RAB31: variants seen among roughly 807,000 people sequenced by gnomAD.
The protein encoded by RAB31 is RAB31, member RAS oncogene family.
In RAB31, 21 loss-of-function variants were observed where a neutral mutation model predicts 25.6. The observed-to-expected ratio is 0.82, with a 90% CI of 0.58 to 1.18. RAB31 has a LOEUF of 1.18. Among genes scored for constraint, RAB31 ranks in the 50% most tolerant of loss-of-function variants. The pLI is 0.00. For missense variants in RAB31, 196 were observed against 250.1 expected (o/e 0.78, Z 1.46); for synonymous variants, 87 against 84.0 (o/e 1.04, Z -0.20).
intron 1 of RAB31, among the ~76,000 whole-genome samples, chr18:9,765,850 G>C (rs765121878): frequency 2.1e-4 from 31 of 151,026 alleles, no homozygotes; most frequent in Non-Finnish European, 1.8e-4. Context: ...CCAACTGATA[G>C]AATACTTCAC....
intron 1 of RAB31, among the ~76,000 whole-genome samples, chr18:9,715,751 C>T (rs1433007135): frequency 6.6e-6 from 1 of 152,100 alleles, no homozygotes; most frequent in African/African-American, 2.4e-5. Context: ...CGGCTGGTCT[C>T]GAACTCCTGG....
chr18:9,719,316 TATATATATATATAAATAA>T lies in RAB31; in HGVS notation c.39+10876_39+10893del, dbSNP rs796160077. ...AAAAAAAAATATATATATATATATA[TATATATATATATAAATAA>T]ATAAATTTGATCTAATTATGAGGGA... On this transcript the variant is annotated intron_variant, in intron 1 of 6. Coordinates refer to ENST00000578921, the MANE Select transcript of RAB31 (RefSeq NM_006868.4). Among the ~76,000 whole-genome samples, 92 of 71,808 alleles carry T rather than the reference TATATATATATATAAATAA, an allele frequency of 1.3e-3. 5 individuals carry two copies. The highest frequency in any genetic ancestry group is 0.012 in the South Asian group (24 of 2,048). The allele number at this position is 71,808 out of a possible 152,430, so 47.1% of individuals were successfully genotyped here.
At chr18:9,742,118 C>G (rs2068182661) in intron 1 of RAB31, among the ~76,000 whole-genome samples, 2 of 152,126 alleles carry the variant, frequency 1.3e-5, no homozygotes, top group Admixed American at 6.5e-5. Flanking sequence ...TGGCAGGGCT[C>G]GAAGTGGGAA....
intron 1 of RAB31, among the ~76,000 whole-genome samples, chr18:9,712,455 A>G (rs573665424): frequency 9.2e-5 from 14 of 152,376 alleles, no homozygotes; most frequent in South Asian, 4.1e-4. Context: ...TTACCAGGAA[A>G]GTGTCATTCG....
At chr18:9,802,014 A>T (rs2143049987) in intron 3 of RAB31, among the ~76,000 whole-genome samples, 1 of 152,322 alleles carries the variant, frequency 6.6e-6, no homozygotes, top group East Asian at 1.9e-4. Context: ...CTGGACTCTG[A>T]GTTCTATTCC....
At chr18:9,812,691 T>G (rs1161231147) in intron 3 of RAB31, among the ~76,000 whole-genome samples, 26 of 14,696 alleles carry the variant, frequency 1.8e-3, no homozygotes, top group African/African-American at 7.2e-3. Flanking sequence ...AGGATACTAT[T>G]TTTTTTTTTT....
chr18:9,741,226 A>C (rs1341438981), intron 1 of RAB31, among the ~76,000 whole-genome samples: 1 of 151,918 alleles, frequency 6.6e-6, no homozygotes, highest in African/African-American at 2.4e-5. Context: ...AAGCACAAAA[A>C]TTAGCCAGGT....
intron 2 of RAB31, among the ~76,000 whole-genome samples, chr18:9,788,508 G>A (rs1324623292): frequency 1.3e-5 from 2 of 152,186 alleles, no homozygotes; most frequent in South Asian, 2.1e-4. Flanking sequence ...TCTCAACAAA[G>A]CTAAAAATAG....
At chr18:9,838,897 A>T (rs1457879382) in intron 5 of RAB31, among the ~76,000 whole-genome samples, 1 of 152,152 alleles carries the variant, frequency 6.6e-6, no homozygotes, top group African/African-American at 2.4e-5. Flanking sequence ...GTTGACTCTC[A>T]GCACTCACCA....
At chr18:9,853,166 A>G (rs780761460) in intron 6 of RAB31, among the ~76,000 whole-genome samples, 10 of 152,146 alleles carry the variant, frequency 6.6e-5, no homozygotes. Context: ...TTTTCTCCCA[A>G]GCTGTGGCTT....
intron 1 of RAB31, among the ~76,000 whole-genome samples, chr18:9,767,767 C>T (rs756365244): frequency 4.6e-5 from 7 of 152,096 alleles, no homozygotes; most frequent in South Asian, 4.2e-4. Context: ...ATGTGCAGAA[C>T]GTGCAGATTT....
intron 2 of RAB31, among the ~76,000 whole-genome samples, chr18:9,779,209 A>C (rs1475738945): frequency 6.6e-6 from 1 of 152,190 alleles, no homozygotes; most frequent in Non-Finnish European, 1.5e-5. Flanking sequence ...TGCTCTAAAA[A>C]ACTGTTATTA....
intron 1 of RAB31, among the ~76,000 whole-genome samples, chr18:9,771,718 A>G (rs2068346121): frequency 1.3e-5 from 2 of 152,216 alleles, no homozygotes; most frequent in Admixed American, 1.3e-4. Flanking sequence ...CGGGAACTGC[A>G]TCCACTTGAG....
At chr18:9,842,461 C>T (rs928034815) in intron 5 of RAB31, among the ~76,000 whole-genome samples, 25 of 152,100 alleles carry the variant, frequency 1.6e-4, no homozygotes, top group African/African-American at 6.0e-4. Context: ...AGAACTGTGC[C>T]GGGAACCAGG....
At chr18:9,729,173 A>G (rs146975366) in intron 1 of RAB31, among the ~76,000 whole-genome samples, 376 of 152,326 alleles carry the variant, frequency 2.5e-3, no homozygotes, top group Admixed American at 4.1e-3. Context: ...TTAGTTAACT[A>G]TATCAATCTT....
At chr18:9,790,872 T>C (rs934237577) in intron 2 of RAB31, among the ~76,000 whole-genome samples, 11 of 152,348 alleles carry the variant, frequency 7.2e-5, no homozygotes, top group African/African-American at 2.4e-4. Context: ...TGGGGATGCT[T>C]GCTATTTTTT....
At chr18:9,834,081 C>A (rs2068692569) in intron 5 of RAB31, among the ~76,000 whole-genome samples, 1 of 152,150 alleles carries the variant, frequency 6.6e-6, no homozygotes, top group Non-Finnish European at 1.5e-5. Flanking sequence ...ATTATATAGT[C>A]TTTTGTCCAA....
intron 3 of RAB31, among the ~76,000 whole-genome samples, chr18:9,793,718 C>A (rs928757861): frequency 6.6e-6 from 1 of 152,006 alleles, no homozygotes; most frequent in Non-Finnish European, 1.5e-5. Context: ...TAACCAATAC[C>A]TTGTCTTAGC....
chr18:9,802,896 A>G (rs2267567), intron 3 of RAB31, among the ~76,000 whole-genome samples: 66,414 of 152,052 alleles, frequency 0.44, 14,856 homozygotes, highest in African/African-American at 0.54. Context: ...CAGGGCCCCA[A>G]CATCTATGGT....
Sources: gnomAD v4.1 joint callset for allele counts (sites outside exome capture counted in the v4.1 genomes callset) on GRCh38, gnomAD v4.1.1 for gene constraint, MANE v1.5 for transcripts, NCBI Gene and HGNC (gene_info 2026-07-23, HGNC 2026-07-21) for gene names.